SCN3A: variants seen among roughly 807,000 people sequenced by gnomAD.
SCN3A encodes the protein sodium channel protein type 3 subunit alpha.
SCN3A carries 60 observed loss-of-function variants against 187.6 expected under a neutral mutation model. The observed-to-expected ratio is 0.32, with a 90% CI of 0.26 to 0.40. SCN3A has a LOEUF of 0.40. SCN3A is among the 10% of genes least tolerant of loss of function. The probability of loss-of-function intolerance (pLI) is 1.00; values close to 1 mark genes in which losing one functional copy is unlikely to be tolerated. For missense variants in SCN3A, 1,601 were observed against 2,428.2 expected, an observed-to-expected ratio of 0.66 and a Z score of 7.16; for synonymous variants, 788 against 829.2, an observed-to-expected ratio of 0.95 and a Z score of 0.85.
chr2:165,139,283 C>T (rs572789299), intron 14 of SCN3A, among the ~76,000 whole-genome samples, 193 bp downstream of exon 14: 6 of 152,106 alleles, frequency 3.9e-5, no homozygotes, highest in African/African-American at 1.4e-4. Context: ...AAGGTAAGGA[C>T]CCAAGTCAAA....
In SCN3A at chr2:165,090,363, C is replaced by G; in HGVS notation, c.5790G>C (p.Glu1930Asp). 6.2e-7 allele frequency: 1 copy of G among 1,613,006 alleles called. No individual in the cohort carries two copies. Among genetic ancestry groups the G allele is most frequent in the Non-Finnish European group, 8.5e-7 (1 of 1,179,164 alleles). The change falls in exon 28 of 28, where the codon GAG becomes GAC. Residue 1930 changes from glutamate to aspartate, a missense_variant. Physicochemically the swap from Glu to Asp is conservative, Grantham distance 45. Transcript: ENST00000283254. This position sits in a 1 kb window ranked among gnomAD's most constrained non-coding sequence, Gnocchi z 4.0. ...LKNISSNYNK[E>D]AIKGRIDLPI... ...GTAAGTCAATCCTCCCTTTAATTGC[C>G]TCTTTGTTATAGTTACTTGATATAT...
intron 2 of SCN3A, among the ~76,000 whole-genome samples, chr2:165,180,272 C>T (rs1690760254): frequency 1.3e-5 from 2 of 152,156 alleles, no homozygotes; most frequent in African/African-American, 4.8e-5. Context: ...AATCAGTACT[C>T]TGTTTGAACC....
At chr2:165,104,385 T>C (rs1021512641) in intron 21 of SCN3A, among the ~76,000 whole-genome samples, 6 of 151,760 alleles carry the variant, frequency 4.0e-5, no homozygotes, top group Non-Finnish European at 8.8e-5. Context: ...AGAGGAGAAA[T>C]AGAACAACTG....
intron 23 of SCN3A, 132 bp downstream of exon 23, chr2:165,097,120 A>C: frequency 1.2e-6 from 1 of 835,628 alleles, no homozygotes; most frequent in Non-Finnish European, 1.9e-6. Context: ...ATTCAAGCTG[A>C]TATTATAGGT....
rs758653683 is a variant in SCN3A at position 165,131,340 on chromosome 2, G to A, written c.2469C>T (p.Gly823=). The change falls in exon 16 of 28, where the codon GGC becomes GGT. Residue 823 remains glycine (G), a synonymous_variant. Transcript: ENST00000283254. The part of the protein sequence containing the change: ...AMDPYYYFQE[G]WNIFDGIIVS... ...CAATAATTCCATCAAAGATATTCCA[G>A]CCTTCTTGGAAATAGTAATAAGGAT... The A allele has an allele frequency of 1.2e-6, 2 of 1,607,704 alleles. No homozygotes were observed. The highest frequency in any genetic ancestry group is 1.7e-6 in the Non-Finnish European group (2 of 1,176,244).
chr2:165,179,640 T>A (rs1406472816), intron 2 of SCN3A: 1 of 152,256 alleles, frequency 6.6e-6, no homozygotes, highest in African/African-American at 2.4e-5. Context: ...TCCCATACTG[T>A]TGTCTCTAAG....
chr2:165,183,520 A>T (rs1691022064), intron 2 of SCN3A, among the ~76,000 whole-genome samples: 1 of 152,246 alleles, frequency 6.6e-6, no homozygotes, highest in Non-Finnish European at 1.5e-5. Flanking sequence ...GTACAAGACT[A>T]ATATTTGTTA....
Position 165,194,360 on chromosome 2 carries a change from T to C in SCN3A, c.-247-7613A>G, listed in dbSNP as rs1270723486. On this transcript the variant is annotated intron_variant, in intron 1 of 27. Transcript: ENST00000283254. ...GACTCTGTACTAGGCTTACTCCAAA[T>C]GTTTGTCCCTTCTGAGAGAAACTTC... Among the ~76,000 whole-genome samples the C allele has an allele frequency of 2.0e-5, 3 of 152,278 alleles. No homozygotes were observed. In the East Asian group the frequency reaches 5.8e-4, roughly 29 times the overall value.
At chr2:165,190,833 G>A (rs965091646) in intron 1 of SCN3A, among the ~76,000 whole-genome samples, 2 of 151,500 alleles carry the variant, frequency 1.3e-5, no homozygotes, top group African/African-American at 2.4e-5. Flanking sequence ...AATCTTTCAG[G>A]CCATCTAGTT....
chr2:165,100,673 T>C (rs1414203632), intron 21 of SCN3A, among the ~76,000 whole-genome samples: 1 of 152,194 alleles, frequency 6.6e-6, no homozygotes, highest in Non-Finnish European at 1.5e-5. Context: ...GTTAGATATT[T>C]TATACCATGG....
chr2:165,113,164 G>T, intron 20 of SCN3A, 106 bp from the exon 21 acceptor site: 1 of 836,468 alleles, frequency 1.2e-6, no homozygotes, highest in Non-Finnish European at 1.9e-6. Context: ...TTTGATTATT[G>T]ATATTTTACA....
rs1255195084 is a variant in SCN3A, at chr2:165,096,486, G to T, written c.4274C>A (p.Ala1425Glu). The change falls in exon 24 of 28, where the codon GCA (alanine) becomes GAA (glutamate). Residue 1425 changes from alanine to glutamate, a missense_variant. By Grantham distance (107) the Ala-to-Glu change is moderately radical. Around this residue, in one of 11 missense-constraint regions of SCN3A, gnomAD observed 320 missense variants for 623.2 expected, o/e 0.51. Transcript: ENST00000283254. ...TFKGWMDIMY[A>E]AVDSRDVKLQ... ...ACTTACATCTCGTGAATCAACAGCT[G>T]CATACATAATATCCATCCAGCCTTT... 1 of 1,611,176 alleles carries T rather than the reference G, an allele frequency of 6.2e-7. No individual in the cohort carries two copies. Among genetic ancestry groups the T allele is most frequent in the Admixed American group, 1.7e-5 (1 of 59,980 alleles).
At chr2:165,111,628 C>T (rs1686123339) in intron 21 of SCN3A, among the ~76,000 whole-genome samples, 4 of 152,050 alleles carry the variant, frequency 2.6e-5, no homozygotes, top group South Asian at 4.2e-4. Context: ...AATTTGGACA[C>T]GTATCAACTT....
At chr2:165,184,052 G>T (rs893124873) in intron 2 of SCN3A, among the ~76,000 whole-genome samples, 2 of 151,986 alleles carry the variant, frequency 1.3e-5, no homozygotes, top group African/African-American at 4.8e-5. Context: ...AAGAAAATTA[G>T]TTATTTTTCC....
At chr2:165,172,945 GAAATT>G (rs1193197418) in intron 3 of SCN3A, among the ~76,000 whole-genome samples, 1 of 152,114 alleles carries the variant, frequency 6.6e-6, no homozygotes, top group African/African-American at 2.4e-5. Flanking sequence ...GCAAGAATTT[GAAATT>G]ATGGGGCTCT....
intron 17 of SCN3A, 55 bp from the exon 18 acceptor site, chr2:165,128,156 A>G: frequency 7.4e-7 from 1 of 1,353,404 alleles, no homozygotes; most frequent in Non-Finnish European, 1.0e-6. Flanking sequence ...CATTTAAATA[A>G]CAGCCTAAAA....
chr2:165,179,134 G>GA (rs113671382), intron 2 of SCN3A, among the ~76,000 whole-genome samples: 46 of 142,206 alleles, frequency 3.2e-4, no homozygotes, highest in African/African-American at 2.3e-4. Context: ...TCTTAGAGGA[G>GA]AAAAAAAAAA....
At chr2:165,128,430 A>T (rs1559208566) in intron 17 of SCN3A, among the ~76,000 whole-genome samples, 1 of 150,372 alleles carries the variant, frequency 6.7e-6, no homozygotes, top group East Asian at 1.9e-4. Flanking sequence ...TGCCAACGAG[A>T]GAGAGAGAGA....
chr2:165,155,709 A>G, intron 10 of SCN3A, 53 bp downstream of exon 10: 1 of 1,607,364 alleles, frequency 6.2e-7, no homozygotes, highest in South Asian at 1.1e-5. Context: ...TATGCTTTTC[A>G]TTTCATACAT....
Sources: gnomAD v4.1 joint callset for allele counts (sites outside exome capture counted in the v4.1 genomes callset) on GRCh38, gnomAD v4.1.1 for gene constraint, gnomAD v4.1.1 regional missense constraint, Gnocchi (gnomAD v3.1) non-coding constraint, MANE v1.5 for transcripts, NCBI Gene and HGNC (gene_info 2026-07-23, HGNC 2026-07-21) for gene names.